Variants in SETBP1 observed in about 807,000 individuals in gnomAD.
SETBP1 encodes the protein SET binding protein 1.
A neutral mutation model predicts 101.0 loss-of-function variants in SETBP1; 9 were observed. The observed-to-expected ratio is 0.09, with a 90% confidence interval of 0.05 to 0.16. The LOEUF (loss-of-function observed/expected upper bound fraction) is 0.16. Among genes scored for constraint, SETBP1 ranks in the 10% least tolerant of loss-of-function variants. SETBP1 has a pLI of 1.00. For synonymous variants in SETBP1, 818 were observed against 788.5 expected (o/e 1.04, Z -0.63); for missense variants, 1,858 against 2,033.8 (o/e 0.91, Z 1.66).
chr18:44,897,767 G>A (rs937152257), intron 3 of SETBP1, among the ~76,000 whole-genome samples: 2 of 152,208 alleles, frequency 1.3e-5, no homozygotes, highest in African/African-American at 4.8e-5. Context: ...GAGGAAGACA[G>A]CTCTAGTGCT....
intron 2 of SETBP1, among the ~76,000 whole-genome samples, chr18:44,848,946 ACACT>A (rs1269821112): frequency 1.3e-5 from 2 of 152,216 alleles, no homozygotes; most frequent in East Asian, 3.9e-4. Context: ...CAGTTTCCTG[ACACT>A]CACTATCTAT....
At chr18:44,861,745 A>C (rs1369522426) in intron 2 of SETBP1, among the ~76,000 whole-genome samples, 3 of 152,210 alleles carry the variant, frequency 2.0e-5, no homozygotes, top group African/African-American at 7.2e-5. Flanking sequence ...TGCTGATATT[A>C]ACATCCATAT....
intron 4 of SETBP1, among the ~76,000 whole-genome samples, chr18:45,034,809 C>A (rs769165097): frequency 1.3e-3 from 198 of 152,240 alleles, no homozygotes; most frequent in Non-Finnish European, 2.1e-3. Flanking sequence ...GAGTTTGAGA[C>A]AGTGATCCCT....
intron 3 of SETBP1, among the ~76,000 whole-genome samples, chr18:44,940,260 A>G (rs1351043277): frequency 1.3e-5 from 2 of 152,096 alleles, no homozygotes; most frequent in African/African-American, 4.8e-5. Context: ...CTGTCTTTGT[A>G]TTTAAAGTGT....
intron 5 of SETBP1, among the ~76,000 whole-genome samples, chr18:45,045,084 C>CG (rs1332411477): frequency 1.3e-5 from 2 of 151,724 alleles, no homozygotes; most frequent in Non-Finnish European, 2.9e-5. Context: ...GAGTCCGAGA[C>CG]CAGCCTGGCC....
intron 4 of SETBP1, among the ~76,000 whole-genome samples, chr18:45,016,491 TTC>T (rs2072944540): frequency 6.6e-6 from 1 of 152,168 alleles, no homozygotes; most frequent in Non-Finnish European, 1.5e-5. Context: ...TGTATCTTTG[TTC>T]TCTCTCCGCC....
intron 2 of SETBP1, among the ~76,000 whole-genome samples, chr18:44,790,183 G>A (rs1298906762): frequency 6.6e-6 from 1 of 152,122 alleles, no homozygotes; most frequent in East Asian, 1.9e-4. Context: ...TTTTGCTCCA[G>A]AAAGGAGAAT....
At chr18:45,043,914 A>G (rs907916201) in intron 5 of SETBP1, among the ~76,000 whole-genome samples, 10 of 152,226 alleles carry the variant, frequency 6.6e-5, no homozygotes, top group African/African-American at 1.7e-4. Context: ...CCCAAATTCT[A>G]TGATACTTGA....
At chr18:44,757,331 T>C (rs931716909) in intron 2 of SETBP1, among the ~76,000 whole-genome samples, 3 of 152,228 alleles carry the variant, frequency 2.0e-5, no homozygotes, top group Non-Finnish European at 4.4e-5. Flanking sequence ...TTACCAACTA[T>C]CTGTGTGGTC....
At chr18:45,049,414 G>T (rs779897941) in intron 5 of SETBP1, among the ~76,000 whole-genome samples, 10 of 152,146 alleles carry the variant, frequency 6.6e-5, no homozygotes, top group Admixed American at 2.6e-4. Flanking sequence ...TGGCCCAATT[G>T]CTGTCTACAC....
intron 3 of SETBP1, among the ~76,000 whole-genome samples, chr18:44,947,642 G>T (rs900734366): frequency 1.3e-5 from 2 of 152,034 alleles, no homozygotes; most frequent in Non-Finnish European, 2.9e-5. Flanking sequence ...AAGTAGCTGG[G>T]ATTACAGGCA....
chr18:45,063,121 A>G lies in SETBP1; in HGVS notation c.4214A>G (p.Glu1405Gly). Residue 1405 changes from glutamate to glycine, a missense_variant, in exon 6 of 6, where the codon GAA (glutamate) becomes GGA (glycine). Transcript: ENST00000649279. ...AAGAGGTTCAAGCGGCGGGAGATCG[A>G]AGCCATCCAGTGCGAAGTGCGGAAG... is the stretch of plus-strand genomic sequence containing the variant. ...LKKRFKRREI[E>G]AIQCEVRKMC... The G allele has an allele frequency of 6.2e-7, 1 of 1,613,990 alleles. No homozygotes were observed. The highest frequency in any genetic ancestry group is 8.5e-7 in the Non-Finnish European group (1 of 1,179,968).
At chr18:45,005,025 A>T (rs1444675774) in intron 4 of SETBP1, among the ~76,000 whole-genome samples, 1 of 152,232 alleles carries the variant, frequency 6.6e-6, no homozygotes, top group Admixed American at 6.5e-5. Context: ...AGAAGAAGCC[A>T]AGTGATCTGC....
At chr18:44,769,284 C>T (rs914305897) in intron 2 of SETBP1, among the ~76,000 whole-genome samples, 23 of 152,202 alleles carry the variant, frequency 1.5e-4, no homozygotes, top group African/African-American at 5.5e-4. Context: ...AGCTCAACCT[C>T]GGGAAGCTTT....
chr18:44,979,122 C>T (rs1394504044), intron 4 of SETBP1, among the ~76,000 whole-genome samples: 10 of 152,220 alleles, frequency 6.6e-5, no homozygotes, highest in African/African-American at 2.4e-4. Context: ...GGCTTTTCCT[C>T]TCCTGTCTGG....
At chr18:44,945,088 G>A (rs973419264) in intron 3 of SETBP1, among the ~76,000 whole-genome samples, 4 of 152,040 alleles carry the variant, frequency 2.6e-5, no homozygotes, top group African/African-American at 9.7e-5. Context: ...CCATGTTGGT[G>A]TGCTGCACCC....
intron 2 of SETBP1, among the ~76,000 whole-genome samples, chr18:44,731,835 G>T (rs1282466418): frequency 6.6e-6 from 1 of 152,162 alleles, no homozygotes; most frequent in Non-Finnish European, 1.5e-5. Context: ...TCCACGTGAA[G>T]ACAGTATGAA....
chr18:44,932,526 A>C (rs2070861348), intron 3 of SETBP1, among the ~76,000 whole-genome samples: 1 of 152,196 alleles, frequency 6.6e-6, no homozygotes, highest in Non-Finnish European at 1.5e-5. Flanking sequence ...TAATACCCTG[A>C]AGAGTGTTTT....
chr18:44,700,057 C>T (rs749098151), intron 1 of SETBP1, among the ~76,000 whole-genome samples: 11 of 152,150 alleles, frequency 7.2e-5, no homozygotes, highest in Non-Finnish European at 1.5e-4. Context: ...TGTGATCCAG[C>T]GTACAGCCTA....
Sources: allele counts gnomAD v4.1 joint callset (sites outside exome capture counted in the v4.1 genomes callset), GRCh38; gene constraint gnomAD v4.1.1; transcripts MANE v1.5; gene names NCBI Gene and HGNC (gene_info 2026-07-23, HGNC 2026-07-21).